The following ZBTB20 variants were observed in gnomAD, a reference collection of about 807,000 sequenced individuals.
ZBTB20 encodes zinc finger and BTB domain-containing protein 20.
ZBTB20 carries 9 observed loss-of-function variants against 56.9 expected under a neutral mutation model. The observed-to-expected ratio is 0.16, with a 90% confidence interval of 0.10 to 0.28. The LOEUF is 0.28. Among genes scored for constraint, ZBTB20 ranks in the 10% least tolerant of loss-of-function variants. The pLI is 1.00. For synonymous variants in ZBTB20, 417 were observed against 420.7 expected (o/e 0.99, Z 0.11); for missense variants, 655 against 1,003.0 (o/e 0.65, Z 4.69).
At chr3:114,571,482 C>T (rs553474364) in intron 6 of ZBTB20, among the ~76,000 whole-genome samples, 4 of 152,256 alleles carry the variant, frequency 2.6e-5, no homozygotes, top group African/African-American at 7.2e-5. Context: ...TCTGCCTTCC[C>T]TATTCTTTTT....
intron 7 of ZBTB20, among the ~76,000 whole-genome samples, chr3:114,391,953 TAA>T (rs2085915483): frequency 6.6e-6 from 1 of 152,192 alleles, no homozygotes; most frequent in East Asian, 1.9e-4. Flanking sequence ...TTGGGGTGTG[TAA>T]CCTGCAAAAA....
chr3:114,861,878 C>T (rs1053236061), intron 4 of ZBTB20: 9 of 152,126 alleles, frequency 5.9e-5, no homozygotes, highest in African/African-American at 1.4e-4. Context: ...CTGTCACTTA[C>T]GTAAGAAGAT....
At chr3:114,987,626 G>A (rs917797578) in intron 2 of ZBTB20, among the ~76,000 whole-genome samples, 1 of 152,060 alleles carries the variant, frequency 6.6e-6, no homozygotes, top group Non-Finnish European at 1.5e-5. Context: ...AAATAACATA[G>A]GTTTGCTAAT....
chr3:114,947,516 G>A (rs1164338676), intron 3 of ZBTB20, among the ~76,000 whole-genome samples: 2 of 146,034 alleles, frequency 1.4e-5, no homozygotes, highest in Non-Finnish European at 3.0e-5. Flanking sequence ...AATAAGAATG[G>A]AAGTGGAGGC....
chr3:114,477,558 C>T (rs1175381299), intron 7 of ZBTB20, among the ~76,000 whole-genome samples: 6 of 147,630 alleles, frequency 4.1e-5, no homozygotes, highest in Non-Finnish European at 8.9e-5. Context: ...TTCAATGGCA[C>T]GATCTCAGCT....
intron 6 of ZBTB20, among the ~76,000 whole-genome samples, chr3:114,513,684 C>T (rs140998022): frequency 6.6e-6 from 1 of 152,096 alleles, no homozygotes; most frequent in African/African-American, 2.4e-5. Flanking sequence ...TTTTGGGGCA[C>T]TAGGTGAGAG....
At chr3:114,864,679 T>C (rs1159053180) in intron 4 of ZBTB20, among the ~76,000 whole-genome samples, 2 of 151,980 alleles carry the variant, frequency 1.3e-5, no homozygotes, top group Non-Finnish European at 2.9e-5. Flanking sequence ...TTTTAGGAGG[T>C]AGATGGGCGA....
chr3:114,914,312 G>C (rs80104139), intron 3 of ZBTB20, among the ~76,000 whole-genome samples: 9 of 151,264 alleles, frequency 5.9e-5, no homozygotes, highest in Non-Finnish European at 8.9e-5. Context: ...TTATTTCCTA[G>C]GTATTTAATT....
At chr3:115,082,718 G>C (rs945425896) in intron 1 of ZBTB20, among the ~76,000 whole-genome samples, 3 of 152,108 alleles carry the variant, frequency 2.0e-5, no homozygotes, top group African/African-American at 7.2e-5. Flanking sequence ...TTTCTACACA[G>C]ATGGTTTCAG....
At chr3:114,482,325 A>G (rs775458633) in intron 7 of ZBTB20, among the ~76,000 whole-genome samples, 4 of 152,180 alleles carry the variant, frequency 2.6e-5, no homozygotes, top group Non-Finnish European at 5.9e-5. Flanking sequence ...ACCAGACACC[A>G]TAGTGAGTAG....
rs2079113939 is a variant in ZBTB20 at position 114,327,909 on chromosome 3, A to T, written c.*11096T>A. On this transcript the variant is annotated 3_prime_UTR_variant, in exon 12 of 12. Transcript: ENST00000675478. The stretch of plus-strand genomic sequence containing the variant: ...GTGTTACGAAGTTGTTGTGAATGTG[A>T]TATTATAAGCATCCTGAAAAGGATA... The T allele has an allele frequency of 6.6e-6, 1 of 152,168 alleles. No homozygotes were observed. Among genetic ancestry groups the T allele is most frequent in the Non-Finnish European group, 1.5e-5 (1 of 68,022 alleles). 9.4% of individuals were successfully genotyped at this position (152,168 alleles called of 1,614,324 possible).
intron 4 of ZBTB20, among the ~76,000 whole-genome samples, chr3:114,828,344 A>G (rs1388349741): frequency 6.6e-6 from 1 of 151,686 alleles, no homozygotes; most frequent in Non-Finnish European, 1.5e-5. Flanking sequence ...TCTACACCAT[A>G]TGTTTGAAAT....
chr3:114,734,903 C>T lies in ZBTB20; in HGVS notation c.-342-41328G>A, dbSNP rs115399128. Reference sequence around the variant, plus strand: ...CACAGCCACATTCACTCAGACACACCCATGAGCCTAACACGCACATCTTTG... The same window carrying T: ...CACAGCCACATTCACTCAGACACACTCATGAGCCTAACACGCACATCTTTG... On this transcript the variant is annotated intron_variant, in intron 5 of 11. Transcript: ENST00000675478. Among the ~76,000 whole-genome samples, 585 of 152,148 alleles carry T rather than the reference C, an allele frequency of 3.8e-3. 1 individual carries two copies. The highest frequency in any genetic ancestry group is 0.01 in the Middle Eastern group (3 of 294).
intron 5 of ZBTB20, among the ~76,000 whole-genome samples, chr3:114,771,462 C>T (rs2069191749): frequency 2.6e-5 from 4 of 152,060 alleles, no homozygotes; most frequent in South Asian, 2.1e-4. Context: ...CCTTATCTTT[C>T]CTGTTTTTAC....
chr3:114,470,153 G>A (rs991105365), intron 7 of ZBTB20, among the ~76,000 whole-genome samples: 2 of 152,122 alleles, frequency 1.3e-5, no homozygotes, highest in African/African-American at 4.8e-5. Context: ...TAAAATGTTA[G>A]GTGATCATTT....
chr3:114,749,320 A>G (rs1451181653), intron 5 of ZBTB20, among the ~76,000 whole-genome samples: 1 of 152,096 alleles, frequency 6.6e-6, no homozygotes, highest in Non-Finnish European at 1.5e-5. Context: ...TTGGGAGGCC[A>G]AGGTGGGCGG....
At chr3:114,731,869 G>A (rs1369683700) in intron 5 of ZBTB20, among the ~76,000 whole-genome samples, 1 of 151,732 alleles carries the variant, frequency 6.6e-6, no homozygotes, top group Non-Finnish European at 1.5e-5. Flanking sequence ...AACTAATCCG[G>A]CTGTGCCTAG....
intron 6 of ZBTB20, among the ~76,000 whole-genome samples, chr3:114,621,740 A>G (rs2058335344): frequency 6.6e-6 from 1 of 152,192 alleles, no homozygotes; most frequent in African/African-American, 2.4e-5. Flanking sequence ...ATGAAATTAG[A>G]ATTTCCAGGT....
chr3:114,527,742 T>C (rs940905361), intron 6 of ZBTB20, among the ~76,000 whole-genome samples: 1 of 152,202 alleles, frequency 6.6e-6, no homozygotes, highest in Non-Finnish European at 1.5e-5. Flanking sequence ...TGACCATATA[T>C]TCATGTTAAT....
Sources: gnomAD v4.1 joint callset for allele counts (sites outside exome capture counted in the v4.1 genomes callset) on GRCh38, gnomAD v4.1.1 for gene constraint, MANE v1.5 for transcripts, NCBI Gene and HGNC (gene_info 2026-07-23, HGNC 2026-07-21) for gene names.